Variants in CNTNAP2 observed in about 807,000 individuals in gnomAD.
The protein encoded by CNTNAP2 is contactin-associated protein-like 2.
A neutral mutation model predicts 155.2 loss-of-function variants in CNTNAP2; 98 were observed. The observed-to-expected ratio is 0.63, with a 90% CI of 0.54 to 0.75. The LOEUF is 0.75. Among genes scored for constraint, CNTNAP2 ranks in the 30% least tolerant of loss-of-function variants. The probability of loss-of-function intolerance (pLI) is 0.00; values close to 1 mark genes in which losing one functional copy is unlikely to be tolerated. For synonymous variants in CNTNAP2, 651 were observed against 631.2 expected, an observed-to-expected ratio of 1.03 and a Z score of -0.47; for missense variants, 1,727 against 1,688.1, an observed-to-expected ratio of 1.02 and a Z score of -0.40.
chr7:148,224,131 T>C (rs1207373970), intron 19 of CNTNAP2, among the ~76,000 whole-genome samples: 2 of 151,800 alleles, frequency 1.3e-5, no homozygotes, highest in Non-Finnish European at 2.9e-5. Flanking sequence ...TCTGAAGAAA[T>C]GAATAAGAGA....
intron 13 of CNTNAP2, among the ~76,000 whole-genome samples, chr7:147,794,512 C>A: frequency 6.6e-6 from 1 of 151,570 alleles, no homozygotes; most frequent in East Asian, 1.9e-4. Flanking sequence ...GAGATATGAT[C>A]CTTTTCATAT....
chr7:148,029,814 G>A (rs1216656256), intron 15 of CNTNAP2, among the ~76,000 whole-genome samples: 1 of 152,192 alleles, frequency 6.6e-6, no homozygotes, highest in Non-Finnish European at 1.5e-5. Flanking sequence ...TAAAAGTTGA[G>A]GAGTTGTTTC....
At chr7:148,169,195 A>G (rs979591207) in intron 17 of CNTNAP2, among the ~76,000 whole-genome samples, 1 of 152,232 alleles carries the variant, frequency 6.6e-6, no homozygotes, top group African/African-American at 2.4e-5. Flanking sequence ...AAGGGAAAAC[A>G]TTAAAATTAC....
intron 16 of CNTNAP2, among the ~76,000 whole-genome samples, chr7:148,139,025 C>T (rs1440658565): frequency 6.6e-6 from 1 of 152,080 alleles, no homozygotes; most frequent in South Asian, 2.1e-4. Flanking sequence ...TTCCTTTTCT[C>T]TGTGGATGTC....
intron 1 of CNTNAP2, among the ~76,000 whole-genome samples, chr7:146,535,880 T>G (rs1431643243): frequency 1.3e-5 from 2 of 152,108 alleles, no homozygotes; most frequent in Admixed American, 1.3e-4. Flanking sequence ...TTTATGATCA[T>G]TCAGTGTAGA....
At chr7:146,275,776 C>T (rs939755863) in intron 1 of CNTNAP2, among the ~76,000 whole-genome samples, 4 of 152,310 alleles carry the variant, frequency 2.6e-5, no homozygotes, top group South Asian at 2.1e-4. Context: ...CTATGATTCT[C>T]GTTTATAGAA....
intron 2 of CNTNAP2, among the ~76,000 whole-genome samples, chr7:146,813,228 C>G (rs994239202): frequency 6.6e-6 from 1 of 152,092 alleles, no homozygotes; most frequent in Non-Finnish European, 1.5e-5. Context: ...ATGGTGGATC[C>G]ACTGACAGCT....
chr7:147,384,016 G>T (rs1344921014), intron 9 of CNTNAP2, among the ~76,000 whole-genome samples: 1 of 152,114 alleles, frequency 6.6e-6, no homozygotes, highest in African/African-American at 2.4e-5. Flanking sequence ...TGACTGGTCT[G>T]GGAGGGCCTC....
intron 15 of CNTNAP2, among the ~76,000 whole-genome samples, chr7:148,063,619 A>G (rs935220331): frequency 3.3e-5 from 5 of 150,994 alleles, no homozygotes; most frequent in Non-Finnish European, 5.9e-5. Flanking sequence ...TTTTTGGGGA[A>G]CAGGTAGTGT....
chr7:147,532,495 GC>G (rs1252338165), intron 11 of CNTNAP2, among the ~76,000 whole-genome samples: 2 of 152,126 alleles, frequency 1.3e-5, no homozygotes, highest in Non-Finnish European at 2.9e-5. Context: ...GATCTTCTCA[GC>G]CCTCCAAACT....
intron 16 of CNTNAP2, chr7:148,133,929 A>T (rs2116632182): frequency 6.6e-6 from 1 of 152,294 alleles, no homozygotes; most frequent in South Asian, 2.1e-4. Flanking sequence ...AGATAAGGGC[A>T]TTTTTCTGGA....
intron 11 of CNTNAP2, among the ~76,000 whole-genome samples, chr7:147,528,769 G>A (rs1278546352): frequency 1.3e-5 from 2 of 152,316 alleles, no homozygotes; most frequent in African/African-American, 2.4e-5. Flanking sequence ...GAGCCCAGGA[G>A]TTGATTCTAT....
At position 147,239,278 on chromosome 7, in the gene CNTNAP2, TG is replaced by T. The variant is rs113683339; in HGVS notation, c.1349-60860del. 3.3e-3 allele frequency among the ~76,000 whole-genome samples: 504 copies of T among 152,020 alleles called. 5 individuals carry two copies. The highest frequency in any genetic ancestry group is 0.011 in the African/African-American group (471 of 41,462). ...ATCTCAGCACTTTGGGAGGCTGAGG[TG>T]GGTGGATCACAAGGTCAGGAGTTCG... On this transcript the variant is annotated intron_variant, in intron 8 of 23. Transcript: ENST00000361727.
intron 1 of CNTNAP2, among the ~76,000 whole-genome samples, chr7:146,534,481 C>T (rs801930): frequency 0.028 from 4,315 of 152,078 alleles, 207 homozygotes; most frequent in African/African-American, 0.098. Flanking sequence ...ATACAGCCAG[C>T]AATTTGTCAA....
At chr7:146,631,834 G>T (rs1399325662) in intron 1 of CNTNAP2, among the ~76,000 whole-genome samples, 1 of 152,014 alleles carries the variant, frequency 6.6e-6, no homozygotes, top group Non-Finnish European at 1.5e-5. Context: ...AAGTTTTAAT[G>T]TCAGTCAATA....
At chr7:147,623,443 G>T (rs550768264) in intron 12 of CNTNAP2, among the ~76,000 whole-genome samples, 1 of 151,972 alleles carries the variant, frequency 6.6e-6, no homozygotes, top group South Asian at 2.1e-4. Context: ...AAAACCAGTA[G>T]CATTTCTATA....
intron 9 of CNTNAP2, among the ~76,000 whole-genome samples, chr7:147,369,852 T>A (rs1156333983): frequency 3.0e-4 from 46 of 152,338 alleles, no homozygotes; most frequent in Non-Finnish European, 1.3e-4. Flanking sequence ...CCTTTGTATT[T>A]ACCTGCATAA....
At chr7:147,723,397 G>A (rs1210698758) in intron 13 of CNTNAP2, among the ~76,000 whole-genome samples, 1 of 151,788 alleles carries the variant, frequency 6.6e-6, no homozygotes, top group Admixed American at 6.6e-5. Context: ...AGAGGTTTGG[G>A]GAAAAGAAAA....
intron 1 of CNTNAP2, among the ~76,000 whole-genome samples, chr7:146,716,379 ACTC>A (rs371317512): frequency 0.022 from 3,398 of 152,118 alleles, 138 homozygotes; most frequent in African/African-American, 0.077. Flanking sequence ...GTTTAAAAAA[ACTC>A]AAAACAAAAC....
Sources: gnomAD v4.1 joint callset for allele counts (sites outside exome capture counted in the v4.1 genomes callset) on GRCh38, gnomAD v4.1.1 for gene constraint, MANE v1.5 for transcripts, NCBI Gene and HGNC (gene_info 2026-07-23, HGNC 2026-07-21) for gene names.